MYO18B: variants seen among roughly 807,000 people sequenced by gnomAD.
The protein encoded by MYO18B is myosin XVIIIB, also known as unconventional myosin-XVIIIb.
A neutral mutation model predicts 273.0 loss-of-function variants in MYO18B; 204 were observed. The ratio of observed to expected loss-of-function variants is 0.75; its 90% CI spans 0.67 to 0.84. MYO18B has a LOEUF of 0.84. Among genes scored for constraint, MYO18B ranks in the 40% least tolerant of loss-of-function variants. The pLI, the probability that MYO18B is intolerant of heterozygous loss-of-function variation, is 0.00. For synonymous variants in MYO18B, 1,330 were observed against 1,305.7 expected, an observed-to-expected ratio of 1.02 and a Z score of -0.40; for missense variants, 3,212 against 3,287.6, an observed-to-expected ratio of 0.98 and a Z score of 0.56.
At chr22:25,945,695 GCCTCCCCTCTCCCCTCGCCTCC>G (rs2092695956) in intron 34 of MYO18B, among the ~76,000 whole-genome samples, 2 of 90,510 alleles carry the variant, frequency 2.2e-5, no homozygotes, top group East Asian at 3.9e-4. Context: ...CTCTCCCCTC[GCCTCCCCTCTCCCCTCGCCTCC>G]CCTCCCCTCC....
intron 10 of MYO18B, among the ~76,000 whole-genome samples, 160 bp downstream of exon 10, chr22:25,781,994 C>G (rs2087182174): frequency 6.6e-6 from 1 of 152,248 alleles, no homozygotes; most frequent in Non-Finnish European, 1.5e-5. Context: ...ACACGCAGCT[C>G]ATGGGCTGGG....
rs1235816026 is a variant in MYO18B at position 25,920,452 on chromosome 22, G to T, written c.5365-805G>T. Among the ~76,000 whole-genome samples, 5 of 152,274 alleles carry T rather than the reference G, an allele frequency of 3.3e-5. No individual in the cohort carries two copies. The South Asian group carries it at 8.3e-4, about 25-fold the overall frequency. ...AACCTGTACTTTTTGGCCACTGAAG[G>T]CTGTCAAGGAGTCTAAGGTCACACT... On this transcript the variant is annotated intron_variant, in intron 33 of 43. Transcript: ENST00000335473.
chr22:25,885,661 G>A (rs2091476316), intron 25 of MYO18B, among the ~76,000 whole-genome samples: 1 of 152,120 alleles, frequency 6.6e-6, no homozygotes, highest in Non-Finnish European at 1.5e-5. Flanking sequence ...TTCGAGGTTT[G>A]GACTTCATCC....
the MYO18B span, among the ~76,000 whole-genome samples, chr22:26,057,639 G>T: frequency 6.6e-6 from 1 of 151,914 alleles, no homozygotes; most frequent in African/African-American, 2.4e-5. Flanking sequence ...TCATTTGGGG[G>T]AATGCCCATC....
intron 39 of MYO18B, among the ~76,000 whole-genome samples, chr22:25,976,825 T>C (rs942885738): frequency 2.0e-5 from 3 of 152,194 alleles, no homozygotes; most frequent in African/African-American, 7.2e-5. Flanking sequence ...TCCCCCTTCT[T>C]ACTCAAGCTC....
chr22:25,931,681 C>CTTTTTT (rs71311530), intron 34 of MYO18B, among the ~76,000 whole-genome samples: 34 of 123,516 alleles, frequency 2.8e-4, no homozygotes, highest in Middle Eastern at 4.4e-3. Flanking sequence ...TTTCTTTTTT[C>CTTTTTT]TTTTTTTTTT....
Position 25,780,028 on chromosome 22 carries a change from A to T in MYO18B, c.2069-28A>T. 1.9e-6 allele frequency: 3 copies of T among 1,549,564 alleles called. No individual in the cohort carries two copies. In the South Asian group the frequency reaches 3.5e-5, roughly 18 times the overall value. On this transcript the variant is annotated intron_variant, in intron 8 of 43. Transcript: ENST00000335473. ...AGTGGCAGCACCTGGGCCATCAGTG[A>T]CATGTGGCCCCATGCTGCCCCCAAC...
At chr22:26,025,460 G>A (rs960272143) in intron 42 of MYO18B, among the ~76,000 whole-genome samples, 7 of 152,148 alleles carry the variant, frequency 4.6e-5, no homozygotes, top group Admixed American at 6.5e-5. Context: ...TACAGTTCCA[G>A]CAACAAAGCA....
intron 39 of MYO18B, among the ~76,000 whole-genome samples, chr22:25,980,155 C>T (rs187776871): frequency 2.1e-4 from 32 of 152,218 alleles, no homozygotes; most frequent in African/African-American, 6.3e-4. Flanking sequence ...TCCAAGACTC[C>T]GTTTTGGCCC....
At position 25,781,767 on chromosome 22, in the gene MYO18B, C is replaced by T; in HGVS notation, c.2245C>T (p.Gln749Ter). Residue 749 changes from glutamine (Q) to a stop codon, truncating the protein, a stop_gained, in exon 10 of 44, where the codon CAG (glutamine) becomes TAG (stop). Coordinates refer to ENST00000335473, the MANE Select transcript of MYO18B (RefSeq NM_032608.7). LOFTEE classifies it high-confidence loss of function. ...TTTGGAGAAGAGCCGCGTGGCACGG[C>T]AGCCGGAAGGGGAAAGTAACTTCCT... ...MLLEKSRVAR[Q>*]PEGESNFLVF... is the part of the protein sequence containing the mutation. The T allele has an allele frequency of 3.8e-6, 6 of 1,591,218 alleles. No individual in the cohort carries two copies. The highest frequency in any genetic ancestry group is 5.1e-6 in the Non-Finnish European group (6 of 1,170,020).
At position 26,026,848 on chromosome 22, in the gene MYO18B, G is replaced by A; in HGVS notation, c.6874G>A (p.Gly2292Ser). 1 of 1,592,740 alleles carries A rather than the reference G, an allele frequency of 6.3e-7. No individual in the cohort carries two copies. The change falls in exon 43 of 44, where the codon GGC (glycine) becomes AGC (serine). Residue 2292 changes from glycine (G) to serine (S), a missense_variant. Physicochemically the swap from Gly to Ser is moderately conservative, Grantham distance 56 (BLOSUM62 0). Coordinates refer to ENST00000335473, the MANE Select transcript of MYO18B (RefSeq NM_032608.7). The part of the protein sequence containing the change: ...QTTGASTLRR[G>S]RAGSDEGNLS... The stretch of plus-strand genomic sequence containing the variant: ...GACTGGGGCCTCCACACTAAGGAGG[G>A]GCAGGGCTGGCAGTGACGAGGGAAA...
chr22:25,823,429 C>T, intron 12 of MYO18B, 76 bp from the exon 13 acceptor site: 1 of 1,467,926 alleles, frequency 6.8e-7, no homozygotes, highest in Non-Finnish European at 9.2e-7. Flanking sequence ...CTGAGATTCT[C>T]CGAGGTCCTC....
At chr22:25,903,036 C>T (rs527577826) in intron 30 of MYO18B, 20 of 314,802 alleles carry the variant, frequency 6.4e-5, no homozygotes, top group African/African-American at 4.1e-4. Flanking sequence ...TAACCTTGTC[C>T]AGGAGCAATG....
chr22:25,985,691 G>A (rs9613062), intron 39 of MYO18B, among the ~76,000 whole-genome samples: 81,538 of 151,102 alleles, frequency 0.54, 23,034 homozygotes, highest in Non-Finnish European at 0.62. Flanking sequence ...GTGCAGTGGC[G>A]CAATCTCGGC....
intron 42 of MYO18B, among the ~76,000 whole-genome samples, chr22:26,014,899 A>G (rs547845715): frequency 7.3e-6 from 1 of 137,382 alleles, no homozygotes; most frequent in South Asian, 2.3e-4. Flanking sequence ...TCACTTTTTA[A>G]TGGGTTTTTT....
chr22:25,823,469 C>A lies in MYO18B; in HGVS notation c.2522-36C>A, dbSNP rs546402344. 5.6e-6 allele frequency: 9 copies of A among 1,603,216 alleles called. No individual in the cohort carries two copies. In the South Asian group the frequency reaches 1.0e-4, roughly 18 times the overall value. ...GTGTTCATTCACCCCATGCCCAAGG[C>A]CTCACTGCCACGCCTCTGTTTTGTC... On this transcript the variant is annotated intron_variant, in intron 12 of 43. Coordinates refer to ENST00000335473, the MANE Select transcript of MYO18B (RefSeq NM_032608.7).
At chr22:26,030,184 A>T (rs550584873) in intron 43 of MYO18B, among the ~76,000 whole-genome samples, 1 of 152,282 alleles carries the variant, frequency 6.6e-6, no homozygotes, top group East Asian at 1.9e-4. Context: ...CAGCCTGGGC[A>T]ACATAGTGAG....
intron 42 of MYO18B, among the ~76,000 whole-genome samples, chr22:26,007,868 G>A (rs567565346): frequency 6.6e-6 from 1 of 152,322 alleles, no homozygotes; most frequent in East Asian, 1.9e-4. Context: ...TCAGAAGGCT[G>A]AAATGCCCTT....
At chr22:25,947,679 A>G (rs772015340) in intron 35 of MYO18B, 33 bp from the exon 36 acceptor site, 1 of 1,568,378 alleles carries the variant, frequency 6.4e-7, no homozygotes, top group Non-Finnish European at 8.8e-7. Flanking sequence ...TCACCCTCTC[A>G]CCTTGCCTTG....
Sources: allele counts gnomAD v4.1 joint callset (sites outside exome capture counted in the v4.1 genomes callset), GRCh38; gene constraint gnomAD v4.1.1; transcripts MANE v1.5; gene names NCBI Gene and HGNC (gene_info 2026-07-23, HGNC 2026-07-21).